The following HDAC7 variants were observed in gnomAD, a reference collection of about 807,000 sequenced individuals.
HDAC7 encodes histone deacetylase 7, also known as histone deacetylase 7A.
In HDAC7, 26 loss-of-function variants were observed where a neutral mutation model predicts 115.5. The observed-to-expected ratio is 0.23, with a 90% confidence interval of 0.16 to 0.31. The LOEUF (loss-of-function observed/expected upper bound fraction) is 0.31, where lower values mean the gene tolerates loss of function less well. HDAC7 is among the 10% of genes least tolerant of loss of function. The pLI, the probability that HDAC7 is intolerant of heterozygous loss-of-function variation, is 1.00. For synonymous variants in HDAC7, 564 were observed against 550.9 expected (o/e 1.02, Z -0.33); for missense variants, 1,068 against 1,329.0 (o/e 0.80, Z 3.05).
intron 1 of HDAC7, among the ~76,000 whole-genome samples, chr12:47,816,929 C>A (rs1944866807): frequency 6.6e-6 from 1 of 152,214 alleles, no homozygotes; most frequent in South Asian, 2.1e-4. Context: ...CTCACTCAGG[C>A]CACTCGCCTA....
rs769080517 is a variant in HDAC7 at position 47,791,651 on chromosome 12, C to A, written c.1868G>T (p.Arg623Leu). ...GTTGGTGCCGTAGAGGAGCACGTGCCGCTCAGAGTGGACCGACTGCAGCTC... is the reference window on the plus strand; with the variant it reads ...GTTGGTGCCGTAGAGGAGCACGTGCAGCTCAGAGTGGACCGACTGCAGCTC... ...LEELQSVHSE[R>L]HVLLYGTNPL... The change falls in exon 15 of 26, where the codon CGG becomes CTG. Residue 623 changes from arginine (R) to leucine (L), a missense_variant. This residue lies in a region of HDAC7 where 618 missense variants were observed against 701.5 expected (regional missense o/e 0.88). Coordinates refer to ENST00000080059, the MANE Select transcript of HDAC7 (RefSeq NM_015401.5). 6.2e-7 allele frequency: 1 copy of A among 1,613,376 alleles called. No individual in the cohort carries two copies. The highest frequency in any genetic ancestry group is 1.1e-5 in the South Asian group (1 of 90,978).
Position 47,786,486 on chromosome 12 carries a change from C to A in HDAC7, c.2572+99G>T, listed in dbSNP as rs1592628670. 4 of 824,092 alleles carry A rather than the reference C, an allele frequency of 4.9e-6. No individual in the cohort carries two copies. The East Asian group carries it at 1.0e-4, about 21-fold the overall frequency. The allele number at this position is 824,092 out of a possible 1,614,324, so 51.0% of individuals were successfully genotyped here. ...CCTCAGGCTGAAAGCCCTGGGCTGG[C>A]CACTGCCACCTTCCCTTTCTGACTT... On this transcript the variant is annotated intron_variant, in intron 22 of 25. Transcript: ENST00000080059.
Position 47,783,820 on chromosome 12 carries a change from C to T in HDAC7, c.*21G>A, listed in dbSNP as rs376297082. 155 of 1,607,886 alleles carry T rather than the reference C, an allele frequency of 9.6e-5. No homozygotes were observed. Among genetic ancestry groups the T allele is most frequent in the East Asian group, 9.6e-4 (43 of 44,712 alleles). On this transcript the variant is annotated 3_prime_UTR_variant, in exon 26 of 26. Transcript: ENST00000080059. ...AACCAGGTCCCAAGGGCATGGTGGG[C>T]GGGCAGATGGTTCCAGAGCCTTAGA...
intron 1 of HDAC7, among the ~76,000 whole-genome samples, chr12:47,804,165 T>C (rs1216643282): frequency 1.3e-5 from 2 of 152,198 alleles, no homozygotes; most frequent in Non-Finnish European, 2.9e-5. Flanking sequence ...GGATGTTTTG[T>C]GGTGATAATC....
Position 47,793,536 on chromosome 12 carries a change from G to C in HDAC7, c.1511C>G (p.Thr504Ser), listed in dbSNP as rs905271207. Residue 504 changes from threonine (T) to serine (S), a missense_variant, in exon 13 of 26, where the codon ACC becomes AGC. Thr to Ser is a moderately conservative substitution (Grantham distance 58). This residue lies in a region of HDAC7 where 618 missense variants were observed against 701.5 expected (regional missense o/e 0.88). Coordinates refer to ENST00000080059, the MANE Select transcript of HDAC7 (RefSeq NM_015401.5). The surrounding 1 kb of genome is among the most constrained non-coding windows in gnomAD (Gnocchi z 4.5). ...RLAGRLPRGS[T>S]GDTVLLPLAQ... Reference sequence around the variant, plus strand: ...CAGAGGAAGCAGCACAGTGTCCCCGGTGCTGCCCCGGGGGAGCCGCCCAGC... The same window carrying C: ...CAGAGGAAGCAGCACAGTGTCCCCGCTGCTGCCCCGGGGGAGCCGCCCAGC... 2.6e-6 allele frequency: 4 copies of C among 1,547,880 alleles called. No individual in the cohort carries two copies. In the South Asian group the frequency reaches 3.6e-5, roughly 14 times the overall value.
chr12:47,790,222 G>A (rs1361477205), intron 16 of HDAC7: 1 of 378,452 alleles, frequency 2.6e-6, no homozygotes, highest in African/African-American at 2.0e-5. Flanking sequence ...GGGACTTGGG[G>A]TTTGGGCCGG....
intron 1 of HDAC7, among the ~76,000 whole-genome samples, chr12:47,818,223 C>T (rs1412707390): frequency 6.6e-6 from 1 of 152,092 alleles, no homozygotes; most frequent in Non-Finnish European, 1.5e-5. Context: ...GAGAACACTG[C>T]ACCAGGACCA....
chr12:47,819,788 A>AG lies in HDAC7; in HGVS notation c.-4dup. 1.9e-6 allele frequency: 1 copy of AG among 523,988 alleles called. No homozygotes were observed. The highest frequency in any genetic ancestry group is 2.3e-6 in the Non-Finnish European group (1 of 438,742). 32.5% of individuals were successfully genotyped at this position (523,988 alleles called of 1,614,324 possible). A position where few individuals can be genotyped will look rare whatever the true frequency, so the allele number is the denominator to read the frequency against. Reference sequence around the variant, plus strand: ...TCACCAGCGCCGGGGCTGTGCATCCAGGGGCCGGGGCCCTCAGAGCGGGGG... The same window carrying AG: ...TCACCAGCGCCGGGGCTGTGCATCCAGGGGGCCGGGGCCCTCAGAGCGGGGG... On this transcript the variant is annotated 5_prime_UTR_variant, in exon 1 of 26. Transcript: ENST00000080059.
intron 2 of HDAC7, among the ~76,000 whole-genome samples, chr12:47,801,442 T>C (rs868380742): frequency 6.6e-6 from 1 of 152,318 alleles, no homozygotes; most frequent in Middle Eastern, 3.4e-3. Flanking sequence ...CAGTGTCCTC[T>C]CATTGGGCAC....
chr12:47,810,844 C>A (rs11168246), intron 1 of HDAC7, among the ~76,000 whole-genome samples: 23,816 of 102,154 alleles, frequency 0.23, 2,484 homozygotes, highest in Non-Finnish European at 0.31. Context: ...CTCTCTCTCT[C>A]TCTATCTCTA....
chr12:47,791,364 C>G, intron 15 of HDAC7, 56 bp from the exon 16 acceptor site: 1 of 1,488,702 alleles, frequency 6.7e-7, no homozygotes, highest in Non-Finnish European at 9.0e-7. Context: ...TTTGGCCCAA[C>G]AGGGAGCAGG....
At chr12:47,804,915 AC>A (rs1944329001) in intron 1 of HDAC7, among the ~76,000 whole-genome samples, 1 of 151,772 alleles carries the variant, frequency 6.6e-6, no homozygotes, top group African/African-American at 2.4e-5. Flanking sequence ...AGCAGGTATG[AC>A]TTTGCCTCCT....
chr12:47,818,917 C>CA lies in HDAC7; in HGVS notation c.19+849dup, dbSNP rs527482960. 2.2e-4 allele frequency among the ~76,000 whole-genome samples: 33 copies of CA among 152,300 alleles called. No individual in the cohort carries two copies. The South Asian group carries it at 6.4e-3, about 30-fold the overall frequency. ...GGGGCACTGGGTGGCCTGCGGGCCCCAGAGGGCTCTCTCCTGGCCCACAGG... is the reference window on the plus strand; with the variant it reads ...GGGGCACTGGGTGGCCTGCGGGCCCCAAGAGGGCTCTCTCCTGGCCCACAGG... On this transcript the variant is annotated intron_variant, in intron 1 of 25. Coordinates refer to ENST00000080059, the MANE Select transcript of HDAC7 (RefSeq NM_015401.5).
chr12:47,784,031 T>A, intron 25 of HDAC7, 48 bp downstream of exon 25: 1 of 1,607,358 alleles, frequency 6.2e-7, no homozygotes, highest in East Asian at 2.2e-5. Flanking sequence ...CAGGGAGGAA[T>A]GAAGCGGTGG....
In HDAC7 at chr12:47,783,508, AG is replaced by A; in HGVS notation, c.*332del. 2 of 354,660 alleles carry A rather than the reference AG, an allele frequency of 5.6e-6. No individual in the cohort carries two copies. The highest frequency in any genetic ancestry group is 1.1e-5 in the Non-Finnish European group (2 of 185,008). 22.0% of individuals were successfully genotyped at this position (354,660 alleles called of 1,614,324 possible). On this transcript the variant is annotated 3_prime_UTR_variant, in exon 26 of 26. Coordinates refer to ENST00000080059, the MANE Select transcript of HDAC7 (RefSeq NM_015401.5). ...GAGCCAGGAATAGTGGTTAAGGGTG[AG>A]CCCGACGGAGCCGGAGCCAGTCCTC...
chr12:47,813,934 A>G (rs879494508), intron 1 of HDAC7, among the ~76,000 whole-genome samples: 3 of 152,306 alleles, frequency 2.0e-5, no homozygotes, highest in Admixed American at 1.3e-4. Context: ...AAGAGGTTGG[A>G]GGTGAGAGGG....
rs1943478633 is a variant in HDAC7, at chr12:47,791,201, C to T, written c.1983+58G>A. ...GCAGGGGCTGGGCCTGGGAGAACCA[C>T]AGGGAGGAGAGCTGAGAGCCCTGGC... On this transcript the variant is annotated intron_variant, in intron 16 of 25. Transcript: ENST00000080059. The T allele has an allele frequency of 5.4e-6, 8 of 1,478,838 alleles. No homozygotes were observed. In the South Asian group the frequency reaches 8.4e-5, roughly 16 times the overall value. The allele number at this position is 1,478,838 out of a possible 1,614,324, so 91.6% of individuals were successfully genotyped here. A position where few individuals can be genotyped will look rare whatever the true frequency, so the allele number is the denominator to read the frequency against.
rs780433939 is a variant in HDAC7, at chr12:47,802,236, G to A, written c.58C>T (p.Pro20Ser). 2 of 1,613,896 alleles carry A rather than the reference G, an allele frequency of 1.2e-6. No homozygotes were observed. The highest frequency in any genetic ancestry group is 1.1e-5 in the South Asian group (1 of 91,032). The change falls in exon 2 of 26, where the codon CCC becomes TCC. Residue 20 changes from proline to serine, a missense_variant. Pro to Ser is a moderately conservative substitution (Grantham distance 74). Transcript: ENST00000080059. ...QVSPGAHYCSPTGAGCPRPCA... is the reference protein window; with the variant it reads ...QVSPGAHYCSSTGAGCPRPCA... ...GTTTGACTCTTACCTGCGCCAGTGG[G>A]GCTGCAGTAGTGGGCACCCGGGCTC...
intron 1 of HDAC7, among the ~76,000 whole-genome samples, chr12:47,811,343 G>C (rs1944655661): frequency 6.6e-6 from 1 of 152,150 alleles, no homozygotes; most frequent in Non-Finnish European, 1.5e-5. Context: ...ACTGCCTTCA[G>C]GTCACTCAAC....
Sources: allele counts gnomAD v4.1 joint callset (sites outside exome capture counted in the v4.1 genomes callset), GRCh38; gene constraint gnomAD v4.1.1; regional missense constraint gnomAD v4.1.1; non-coding constraint Gnocchi (gnomAD v3.1); transcripts MANE v1.5; gene names NCBI Gene and HGNC (gene_info 2026-07-23, HGNC 2026-07-21).